NBEA: variants seen among roughly 807,000 people sequenced by gnomAD.
NBEA encodes the protein neurobeachin.
In NBEA, 44 loss-of-function variants were observed where a neutral mutation model predicts 343.4. The ratio of observed to expected loss-of-function variants is 0.13; its 90% confidence interval spans 0.10 to 0.16. The LOEUF (loss-of-function observed/expected upper bound fraction) is 0.16. Among genes scored for constraint, NBEA ranks in the 10% least tolerant of loss-of-function variants. The probability of loss-of-function intolerance (pLI) is 1.00; values close to 1 mark genes in which losing one functional copy is unlikely to be tolerated. For missense variants in NBEA, 2,555 were observed against 3,631.3 expected (o/e 0.70, Z 7.62); for synonymous variants, 1,175 against 1,238.7 (o/e 0.95, Z 1.08).
At chr13:35,034,868 G>A (rs2062380843) in intron 1 of NBEA, among the ~76,000 whole-genome samples, 1 of 151,850 alleles carries the variant, frequency 6.6e-6, no homozygotes, top group East Asian at 1.9e-4. Flanking sequence ...TGTAGTATCA[G>A]TTGTAATGTC....
chr13:35,110,659 T>G (rs1366442775), intron 12 of NBEA, 151 bp from the exon 13 acceptor site: 5 of 445,720 alleles, frequency 1.1e-5, no homozygotes, highest in Non-Finnish European at 1.9e-5. Flanking sequence ...ATATAAATAA[T>G]ATTGAAGAAG....
intron 44 of NBEA, among the ~76,000 whole-genome samples, chr13:35,566,471 T>A (rs1455818434): frequency 6.6e-6 from 1 of 152,202 alleles, no homozygotes; most frequent in Non-Finnish European, 1.5e-5. Context: ...GGCCTCTGAC[T>A]GGCAAGGCTC....
intron 1 of NBEA, among the ~76,000 whole-genome samples, chr13:34,970,829 T>C (rs1020412596): frequency 3.3e-5 from 5 of 152,212 alleles, no homozygotes; most frequent in African/African-American, 1.2e-4. Context: ...TTTGTTCTTT[T>C]TGCTTAGGAT....
At chr13:35,563,450 A>G (rs2079977192) in intron 44 of NBEA, among the ~76,000 whole-genome samples, 1 of 151,924 alleles carries the variant, frequency 6.6e-6, no homozygotes, top group Non-Finnish European at 1.5e-5. Context: ...CATGATTAAA[A>G]CATATCAATG....
chr13:35,291,828 C>T (rs1340430155), intron 35 of NBEA, among the ~76,000 whole-genome samples: 2 of 151,772 alleles, frequency 1.3e-5, no homozygotes, highest in African/African-American at 4.8e-5. Flanking sequence ...TGAAACTTTG[C>T]CTCAGATATT....
intron 31 of NBEA, among the ~76,000 whole-genome samples, chr13:35,208,111 T>G (rs565756918): frequency 6.6e-6 from 1 of 152,000 alleles, no homozygotes; most frequent in Non-Finnish European, 1.5e-5. Flanking sequence ...TCCCAGCTAC[T>G]TGGGAGGCTG....
chr13:35,138,553 A>G (rs2067877026), intron 17 of NBEA, among the ~76,000 whole-genome samples: 2 of 149,634 alleles, frequency 1.3e-5, no homozygotes, highest in African/African-American at 5.0e-5. Flanking sequence ...TACACCTCCC[A>G]TGTTCAAGTG....
intron 41 of NBEA, among the ~76,000 whole-genome samples, chr13:35,548,553 A>G (rs560524672): frequency 6.6e-5 from 10 of 152,244 alleles, no homozygotes; most frequent in South Asian, 2.1e-4. Context: ...GGGAAGATCT[A>G]TCATTTTTTC....
intron 31 of NBEA, among the ~76,000 whole-genome samples, chr13:35,208,242 C>CA (rs1486682389): frequency 6.6e-6 from 1 of 151,534 alleles, no homozygotes; most frequent in Non-Finnish European, 1.5e-5. Context: ...AACAAAAAAT[C>CA]AAAAAACAAA....
intron 40 of NBEA, among the ~76,000 whole-genome samples, chr13:35,471,497 G>T (rs2075647211): frequency 6.6e-6 from 1 of 152,186 alleles, no homozygotes; most frequent in Admixed American, 6.5e-5. Flanking sequence ...ACGTTATATC[G>T]TGTTTCGAAT....
At chr13:35,518,040 A>G (rs1220335535) in intron 41 of NBEA, among the ~76,000 whole-genome samples, 1 of 152,144 alleles carries the variant, frequency 6.6e-6, no homozygotes, top group Non-Finnish European at 1.5e-5. Context: ...CCTAATTTAC[A>G]TTTATACATT....
rs751482997 is a variant in NBEA, at chr13:35,159,303, A to G, written c.3132A>G (p.Pro1044=). 5.6e-6 allele frequency: 9 copies of G among 1,613,520 alleles called. No homozygotes were observed. The highest frequency in any genetic ancestry group is 1.3e-5 in the African/African-American group (1 of 74,926). Residue 1044 remains proline, a synonymous_variant, in exon 22 of 59, where the codon CCA becomes CCG. Transcript: ENST00000379939. ...ATATTCTTGGAAATTCAGATAGACCAGGAAGTGGTGTACATGTGGAAGTAC... is the reference window on the plus strand; with the variant it reads ...ATATTCTTGGAAATTCAGATAGACCGGGAAGTGGTGTACATGTGGAAGTAC... The part of the protein sequence containing the change: ...SDDILGNSDR[P]GSGVHVEVHD...
At chr13:35,473,683 C>T (rs1364790277) in intron 41 of NBEA, among the ~76,000 whole-genome samples, 1 of 152,054 alleles carries the variant, frequency 6.6e-6, no homozygotes. Context: ...TGTGTTCATC[C>T]TTTTATTAGC....
chr13:35,054,638 C>CT (rs2063182278), intron 6 of NBEA, among the ~76,000 whole-genome samples: 3 of 130,112 alleles, frequency 2.3e-5, no homozygotes, highest in Non-Finnish European at 5.1e-5. Context: ...TTTCTGTTTT[C>CT]TTTTCTTTTT....
intron 24 of NBEA, chr13:35,165,137 C>T (rs1388420635): frequency 3.7e-6 from 2 of 533,402 alleles, no homozygotes; most frequent in Non-Finnish European, 7.7e-6. Flanking sequence ...GCTCAGAAAG[C>T]ATACCTTTGC....
intron 45 of NBEA, among the ~76,000 whole-genome samples, chr13:35,569,451 T>C (rs2080291420): frequency 1.3e-5 from 2 of 152,236 alleles, no homozygotes; most frequent in Non-Finnish European, 2.9e-5. Flanking sequence ...ATGGCTATTG[T>C]ATTATTTTTA....
intron 31 of NBEA, among the ~76,000 whole-genome samples, chr13:35,200,177 A>T (rs549205058): frequency 6.6e-6 from 1 of 152,040 alleles, no homozygotes; most frequent in South Asian, 2.1e-4. Flanking sequence ...GTTCTCTAAC[A>T]ATACTATCTC....
At chr13:35,134,856 A>G (rs1389961971) in intron 17 of NBEA, among the ~76,000 whole-genome samples, 1 of 151,960 alleles carries the variant, frequency 6.6e-6, no homozygotes, top group Non-Finnish European at 1.5e-5. Context: ...TTGAGATAAA[A>G]TAGAAGCTTT....
At position 35,041,016 on chromosome 13, in the gene NBEA, G is replaced by A; in HGVS notation, c.378G>A (p.Glu126=). Residue 126 remains glutamate (E), a synonymous_variant, in exon 2 of 59, where the codon GAG becomes GAA. Coordinates refer to ENST00000379939, the MANE Select transcript of NBEA (RefSeq NM_001385012.1). ...TAACATGTATGACAGAGCTTTTGGA[G>A]CACTGTGATGTAACATGTCAAGCAG... ...ESITCMTELL[E]HCDVTCQAEI... The A allele has an allele frequency of 6.2e-7, 1 of 1,613,166 alleles. No homozygotes were observed. The highest frequency in any genetic ancestry group is 8.5e-7 in the Non-Finnish European group (1 of 1,179,408).
Sources: gnomAD v4.1 joint callset for allele counts (sites outside exome capture counted in the v4.1 genomes callset) on GRCh38, gnomAD v4.1.1 for gene constraint, MANE v1.5 for transcripts, NCBI Gene and HGNC (gene_info 2026-07-23, HGNC 2026-07-21) for gene names.